The following RAB30 variants were observed in gnomAD, a reference collection of about 807,000 sequenced individuals.
The protein encoded by RAB30 is ras-related protein Rab-30.
RAB30 carries 9 observed loss-of-function variants against 25.1 expected under a neutral mutation model. The ratio of observed to expected loss-of-function variants is 0.36; its 90% confidence interval spans 0.22 to 0.63. The LOEUF is 0.63. Ranked by LOEUF, RAB30 falls within the 20% of genes least tolerant of loss-of-function variation. RAB30 has a pLI of 0.69. For missense variants in RAB30, 140 were observed against 243.5 expected, an observed-to-expected ratio of 0.58 and a Z score of 2.83; for synonymous variants, 77 against 86.4, an observed-to-expected ratio of 0.89 and a Z score of 0.60.
In RAB30 at chr11:82,974,794, T is replaced by C. The variant is rs1439756470; in HGVS notation, c.*7371A>G. On this transcript the variant is annotated 3_prime_UTR_variant, in exon 5 of 5. Transcript: ENST00000527633. The stretch of plus-strand genomic sequence containing the variant: ...CTAGCTGCTGAGATCTCCAGAATTA[T>C]ATATTTTGCATTTTATTTCATCTCT... 1 of 152,138 alleles carries C rather than the reference T, an allele frequency of 6.6e-6. No individual in the cohort carries two copies. The highest frequency in any genetic ancestry group is 1.9e-4 in the East Asian group (1 of 5,208). 9.4% of individuals were successfully genotyped at this position (152,138 alleles called of 1,614,324 possible). A position where few individuals can be genotyped will look rare whatever the true frequency, so the allele number is the denominator to read the frequency against.
At chr11:82,993,452 T>C (rs578236465) in intron 3 of RAB30, among the ~76,000 whole-genome samples, 6 of 152,296 alleles carry the variant, frequency 3.9e-5, no homozygotes, top group Non-Finnish European at 8.8e-5. Context: ...ACTGACAGAT[T>C]GTAGGTACTC....
At chr11:82,996,748 A>C (rs773659692) in intron 2 of RAB30, among the ~76,000 whole-genome samples, 3 of 152,180 alleles carry the variant, frequency 2.0e-5, no homozygotes, top group Non-Finnish European at 4.4e-5. Context: ...AAATTGGCCT[A>C]TTTGGTCCTA....
intron 1 of RAB30, among the ~76,000 whole-genome samples, chr11:83,013,733 C>A (rs1857354571): frequency 6.6e-6 from 1 of 152,084 alleles, no homozygotes; most frequent in Non-Finnish European, 1.5e-5. Flanking sequence ...ACCCAAAGTG[C>A]AGGTCAATTA....
chr11:83,068,795 G>A (rs1858766256), intron 1 of RAB30, among the ~76,000 whole-genome samples: 2 of 152,188 alleles, frequency 1.3e-5, no homozygotes, highest in Admixed American at 1.3e-4. Context: ...CAAGTCTCTT[G>A]AAGTGTCACT....
At chr11:83,017,408 TG>T (rs1857462405) in intron 1 of RAB30, among the ~76,000 whole-genome samples, 1 of 152,180 alleles carries the variant, frequency 6.6e-6, no homozygotes, top group Non-Finnish European at 1.5e-5. Flanking sequence ...AAATAGTTTT[TG>T]GGGAACAGGT....
intron 1 of RAB30, among the ~76,000 whole-genome samples, chr11:83,015,669 T>C (rs999622604): frequency 4.0e-5 from 6 of 151,764 alleles, no homozygotes; most frequent in Non-Finnish European, 7.4e-5. Context: ...CTATGGAGAG[T>C]GGATAAATAG....
At chr11:82,991,440 G>A (rs1318969440) in intron 3 of RAB30, among the ~76,000 whole-genome samples, 1 of 148,350 alleles carries the variant, frequency 6.7e-6, no homozygotes, top group Admixed American at 6.9e-5. Context: ...CTAGGAGGTC[G>A]AGGCTGCAGT....
In RAB30 at chr11:82,973,785, C is replaced by T. The variant is rs1289985261; in HGVS notation, c.*8380G>A. 2.0e-5 allele frequency: 3 copies of T among 152,112 alleles called. No individual in the cohort carries two copies. The highest frequency in any genetic ancestry group is 2.4e-5 in the African/African-American group (1 of 41,412). The allele number at this position is 152,112 out of a possible 1,614,324, so 9.4% of individuals were successfully genotyped here. On this transcript the variant is annotated 3_prime_UTR_variant, in exon 5 of 5. Coordinates refer to ENST00000527633, the MANE Select transcript of RAB30 (RefSeq NM_001286060.2). ...TTTTTAAGAGAGATGTGAAAACATA[C>T]ACCCATACAAAAAACTTTTACATAA...
At chr11:83,027,554 G>A (rs1257998574) in intron 1 of RAB30, among the ~76,000 whole-genome samples, 3 of 152,018 alleles carry the variant, frequency 2.0e-5, no homozygotes, top group Non-Finnish European at 4.4e-5. Context: ...GAGGCTCAGA[G>A]CTAATTATCT....
At chr11:83,033,145 A>G (rs1471420957) in intron 1 of RAB30, among the ~76,000 whole-genome samples, 3 of 145,214 alleles carry the variant, frequency 2.1e-5, no homozygotes, top group Admixed American at 1.4e-4. Flanking sequence ...GCTCACTACA[A>G]CCTCTGCTTT....
chr11:82,982,554 G>T, intron 4 of RAB30, 139 bp from the exon 5 acceptor site: 1 of 946,232 alleles, frequency 1.1e-6, no homozygotes, highest in Non-Finnish European at 1.6e-6. Context: ...TGTGATTACT[G>T]AAATGTTTAC....
chr11:82,995,066 G>A (rs1255289793), intron 2 of RAB30, among the ~76,000 whole-genome samples: 3 of 152,180 alleles, frequency 2.0e-5, no homozygotes, highest in Admixed American at 2.0e-4. Context: ...TTTCCTATAC[G>A]CTTAGGGAGG....
intron 1 of RAB30, among the ~76,000 whole-genome samples, chr11:83,009,069 G>A (rs1857248320): frequency 6.6e-6 from 1 of 151,082 alleles, no homozygotes; most frequent in African/African-American, 2.5e-5. Flanking sequence ...GCCAAAAAGC[G>A]GGAAACCTTT....
chr11:83,045,174 A>G (rs1203452732), intron 1 of RAB30, among the ~76,000 whole-genome samples: 1 of 152,112 alleles, frequency 6.6e-6, no homozygotes, highest in Non-Finnish European at 1.5e-5. Context: ...CTGTTTAAAG[A>G]AGGGTGGATT....
At chr11:83,028,854 T>C (rs1372429961) in intron 1 of RAB30, among the ~76,000 whole-genome samples, 1 of 152,164 alleles carries the variant, frequency 6.6e-6, no homozygotes, top group Non-Finnish European at 1.5e-5. Flanking sequence ...CTGACCAACA[T>C]GGCGAGACCC....
chr11:82,981,662 A>G lies in RAB30; in HGVS notation c.*503T>C, dbSNP rs774247154. The stretch of plus-strand genomic sequence containing the variant: ...TTGAAAGTGCCTGTGGACAAGAGAA[A>G]TAACACTTTTCAAAATCTCCATGGG... On this transcript the variant is annotated 3_prime_UTR_variant, in exon 5 of 5. Transcript: ENST00000527633. The G allele has an allele frequency of 6.5e-6, 1 of 153,492 alleles. No homozygotes were observed. The highest frequency in any genetic ancestry group is 1.5e-5 in the Non-Finnish European group (1 of 68,706). 9.5% of individuals were successfully genotyped at this position (153,492 alleles called of 1,614,324 possible).
At chr11:82,995,895 ATAATCTC>A (rs1328163115) in intron 2 of RAB30, among the ~76,000 whole-genome samples, 2 of 152,216 alleles carry the variant, frequency 1.3e-5, no homozygotes, top group African/African-American at 4.8e-5. Flanking sequence ...GGTGGGTTGA[ATAATCTC>A]TAAGTGACCT....
At chr11:83,055,134 T>C (rs929075494) in intron 1 of RAB30, among the ~76,000 whole-genome samples, 1 of 152,238 alleles carries the variant, frequency 6.6e-6, no homozygotes, top group African/African-American at 2.4e-5. Flanking sequence ...AATTTCTGCA[T>C]CTGCATCTGC....
intron 1 of RAB30, among the ~76,000 whole-genome samples, chr11:83,022,700 G>C (rs1857608817): frequency 6.6e-6 from 1 of 151,832 alleles, no homozygotes; most frequent in Non-Finnish European, 1.5e-5. Context: ...GTGAAATCTA[G>C]AATACTACAA....
Sources: allele counts gnomAD v4.1 joint callset (sites outside exome capture counted in the v4.1 genomes callset), GRCh38; gene constraint gnomAD v4.1.1; transcripts MANE v1.5; gene names NCBI Gene and HGNC (gene_info 2026-07-23, HGNC 2026-07-21).